USP49: variants seen among roughly 807,000 people sequenced by gnomAD.
USP49 encodes ubiquitin carboxyl-terminal hydrolase 49.
USP49 carries 24 observed loss-of-function variants against 58.6 expected under a neutral mutation model. The observed-to-expected ratio is 0.41, with a 90% confidence interval of 0.30 to 0.58. USP49 has a LOEUF of 0.58. Among genes scored for constraint, USP49 ranks in the 20% least tolerant of loss-of-function variants. The probability of loss-of-function intolerance (pLI) is 0.30; values close to 1 mark genes in which losing one functional copy is unlikely to be tolerated. For missense variants in USP49, 703 were observed against 866.1 expected, an observed-to-expected ratio of 0.81 and a Z score of 2.36; for synonymous variants, 408 against 365.1, an observed-to-expected ratio of 1.12 and a Z score of -1.34.
At chr6:41,808,554 C>T (rs989472040) in intron 3 of USP49, among the ~76,000 whole-genome samples, 8 of 151,920 alleles carry the variant, frequency 5.3e-5, no homozygotes, top group African/African-American at 1.9e-4. Context: ...GGACTAAAGG[C>T]GTGCGCCACC....
intron 3 of USP49, among the ~76,000 whole-genome samples, chr6:41,865,460 G>A (rs576129692): frequency 7.2e-5 from 11 of 152,092 alleles, no homozygotes; most frequent in Non-Finnish European, 1.0e-4. Context: ...GGGGTTCCAC[G>A]TAAAATTTGA....
At chr6:41,852,539 G>C (rs1409283562) in intron 3 of USP49, among the ~76,000 whole-genome samples, 2 of 152,156 alleles carry the variant, frequency 1.3e-5, no homozygotes, top group Non-Finnish European at 2.9e-5. Flanking sequence ...GAAAGACTTG[G>C]ACGATGAAGA....
chr6:41,860,118 C>T (rs1211317709), intron 3 of USP49, among the ~76,000 whole-genome samples: 2 of 152,198 alleles, frequency 1.3e-5, no homozygotes, highest in Admixed American at 6.5e-5. Flanking sequence ...TTAAGTATTT[C>T]TTCCACCAGT....
chr6:41,884,264 C>G (rs949276324), intron 2 of USP49, among the ~76,000 whole-genome samples: 1 of 152,122 alleles, frequency 6.6e-6, no homozygotes, highest in Non-Finnish European at 1.5e-5. Context: ...ACCTCGTGAT[C>G]TGCCCACCTT....
At chr6:41,860,510 A>G (rs992466796) in intron 3 of USP49, among the ~76,000 whole-genome samples, 18 of 151,866 alleles carry the variant, frequency 1.2e-4, no homozygotes, top group African/African-American at 3.6e-4. Context: ...TTGTTTATTT[A>G]TTTATTTATT....
chr6:41,816,442 T>A (rs1315451123), intron 3 of USP49, among the ~76,000 whole-genome samples: 1 of 152,202 alleles, frequency 6.6e-6, no homozygotes, highest in East Asian at 1.9e-4. Context: ...TCTTGTCTGG[T>A]TTGCTTCCTG....
chr6:41,868,402 A>G (rs537194529), intron 3 of USP49, among the ~76,000 whole-genome samples: 28 of 152,304 alleles, frequency 1.8e-4, no homozygotes, highest in Non-Finnish European at 3.4e-4. Context: ...ATCTTGGCTC[A>G]CTGCAACCTC....
rs142513166 is a variant in USP49 at position 41,861,672 on chromosome 6, T to C, written c.-29+9892A>G. On this transcript the variant is annotated intron_variant, in intron 3 of 7. Coordinates refer to ENST00000682992, the MANE Select transcript of USP49 (RefSeq NM_001286554.2). The stretch of plus-strand genomic sequence containing the variant: ...TTTTCCTCTTTTAACTTAATATATC[T>C]TATACATTTTCCCATATATCTGGCT... Among the ~76,000 whole-genome samples the C allele has an allele frequency of 4.3e-3, 652 of 152,194 alleles. 3 individuals carry two copies. Among genetic ancestry groups the C allele is most frequent in the Non-Finnish European group, 7.5e-3 (511 of 67,994 alleles).
At chr6:41,827,909 T>TC (rs1773569350) in intron 3 of USP49, among the ~76,000 whole-genome samples, 1 of 152,130 alleles carries the variant, frequency 6.6e-6, no homozygotes, top group Non-Finnish European at 1.5e-5. Flanking sequence ...AAGAAACTTC[T>TC]CCAAGGTTGC....
At chr6:41,834,990 A>ATGGAGTAGT (rs1400666566) in intron 3 of USP49, among the ~76,000 whole-genome samples, 23 of 152,204 alleles carry the variant, frequency 1.5e-4, no homozygotes, top group African/African-American at 5.1e-4. Context: ...TTAAGAGTAG[A>ATGGAGTAGT]AGTGGAGAGA....
intron 3 of USP49, among the ~76,000 whole-genome samples, chr6:41,865,623 G>T (rs754675011): frequency 6.6e-6 from 1 of 150,552 alleles, no homozygotes; most frequent in Non-Finnish European, 1.5e-5. Context: ...TTATAGGCAT[G>T]AGCCACCATG....
chr6:41,802,455 TATTTATTTA>T (rs1448925861), intron 5 of USP49, among the ~76,000 whole-genome samples: 1 of 95,044 alleles, frequency 1.1e-5, no homozygotes, highest in Admixed American at 1.3e-4. Flanking sequence ...TTTATTTATT[TATTTATTTA>T]TTTATTTTTT....
At chr6:41,828,567 G>A (rs1249273116) in intron 3 of USP49, among the ~76,000 whole-genome samples, 1 of 152,098 alleles carries the variant, frequency 6.6e-6, no homozygotes, top group African/African-American at 2.4e-5. Flanking sequence ...TTTTTGATTA[G>A]GCTGTTTTAT....
chr6:41,862,344 T>C (rs1458502946), intron 3 of USP49, among the ~76,000 whole-genome samples: 2 of 152,230 alleles, frequency 1.3e-5, no homozygotes, highest in Non-Finnish European at 2.9e-5. Context: ...CTGATATATC[T>C]TTAAATATGT....
chr6:41,854,835 C>T (rs1774097622), intron 3 of USP49, among the ~76,000 whole-genome samples: 2 of 152,140 alleles, frequency 1.3e-5, no homozygotes, highest in Non-Finnish European at 2.9e-5. Flanking sequence ...TGCAGTGGTG[C>T]AATCTCAGCT....
chr6:41,865,400 T>TA (rs970569915), intron 3 of USP49, among the ~76,000 whole-genome samples: 1 of 152,182 alleles, frequency 6.6e-6, no homozygotes, highest in Non-Finnish European at 1.5e-5. Context: ...CAAAACAAGG[T>TA]AAAATCAACC....
intron 3 of USP49, among the ~76,000 whole-genome samples, chr6:41,851,369 A>G (rs1582020923): frequency 2.0e-5 from 3 of 152,216 alleles, no homozygotes; most frequent in Admixed American, 6.5e-5. Context: ...CTTTAACAGA[A>G]TAAGGACAAA....
At chr6:41,817,816 G>A (rs766553472) in intron 3 of USP49, among the ~76,000 whole-genome samples, 2 of 151,808 alleles carry the variant, frequency 1.3e-5, no homozygotes, top group Admixed American at 6.6e-5. Flanking sequence ...GGGTTTCACT[G>A]TGTTAGCCAG....
chr6:41,843,935 TCAGGAGGCTGAGG>T (rs1207756929), intron 3 of USP49, among the ~76,000 whole-genome samples: 1 of 152,122 alleles, frequency 6.6e-6, no homozygotes, highest in East Asian at 1.9e-4. Flanking sequence ...TCCCAGTTAC[TCAGGAGGCTGAGG>T]CAGGGGAATT....
Sources: gnomAD v4.1 joint callset for allele counts (sites outside exome capture counted in the v4.1 genomes callset) on GRCh38, gnomAD v4.1.1 for gene constraint, MANE v1.5 for transcripts, NCBI Gene and HGNC (gene_info 2026-07-23, HGNC 2026-07-21) for gene names.